Variants in PCDHGA1 observed in about 807,000 individuals in gnomAD.
PCDHGA1 encodes protocadherin gamma-A1.
PCDHGA1 carries 32 observed loss-of-function variants against 58.0 expected under a neutral mutation model. The ratio of observed to expected loss-of-function variants is 0.55; its 90% CI spans 0.42 to 0.74. The LOEUF is 0.74. Ranked by LOEUF, PCDHGA1 falls within the 30% of genes least tolerant of loss-of-function variation. The pLI is 0.00. For missense variants in PCDHGA1, 1,205 were observed against 1,182.3 expected (o/e 1.02, Z -0.28); for synonymous variants, 498 against 501.1 (o/e 0.99, Z 0.08).
chr5:141,405,328 C>T (rs4912606), intron 1 of PCDHGA1: 66,412 of 1,613,986 alleles, frequency 0.041, 1,736 homozygotes, highest in Non-Finnish European at 0.046. Flanking sequence ...AGCCTTTGTG[C>T]GTCTCTGTTG....
Position 141,330,889 on chromosome 5 carries a change from A to T in PCDHGA1, c.205A>T (p.Arg69Ter), listed in dbSNP as rs1482002302. 1 of 1,614,240 alleles carries T rather than the reference A, an allele frequency of 6.2e-7. No individual in the cohort carries two copies. Among genetic ancestry groups the T allele is most frequent in the Non-Finnish European group, 8.5e-7 (1 of 1,180,042 alleles). The stretch of plus-strand genomic sequence containing the variant: ...AGATGGCGGAGTCCGCATCGTCTCC[A>T]GAGGTAGGATGCCGCTTTTCGCTCT... ...LADGGVRIVS[R>*]GRMPLFALNP... is the part of the protein sequence containing the mutation. Residue 69 changes from arginine (R) to a stop codon, truncating the protein, a stop_gained, in exon 1 of 4, where the codon AGA (arginine) becomes TGA (stop). Coordinates refer to ENST00000517417, the MANE Select transcript of PCDHGA1 (RefSeq NM_018912.3). LOFTEE classifies it high-confidence loss of function.
intron 1 of PCDHGA1, chr5:141,421,725 C>T: frequency 6.2e-7 from 1 of 1,613,960 alleles, no homozygotes; most frequent in Non-Finnish European, 8.5e-7. Context: ...TGGGCGTGAA[C>T]TCCCTCCAGA....
intron 1 of PCDHGA1, among the ~76,000 whole-genome samples, chr5:141,450,826 A>T (rs965147554): frequency 1.9e-4 from 26 of 134,356 alleles, no homozygotes; most frequent in East Asian, 6.4e-4. Context: ...TATTATTATT[A>T]TTATTTTTTT....
chr5:141,389,742 C>T (rs1477462199), intron 1 of PCDHGA1: 2 of 1,612,602 alleles, frequency 1.2e-6, no homozygotes, highest in Non-Finnish European at 1.7e-6. Context: ...CCTGGGGCTG[C>T]GCACGGGCGA....
At chr5:141,360,296 T>C (rs1304247078) in intron 1 of PCDHGA1, 1 of 1,613,922 alleles carries the variant, frequency 6.2e-7, no homozygotes, top group African/African-American at 1.3e-5. Context: ...GCCAAGGATC[T>C]GGGGCTCAGC....
chr5:141,401,819 G>A (rs2094196222), intron 1 of PCDHGA1, among the ~76,000 whole-genome samples: 3 of 152,280 alleles, frequency 2.0e-5, no homozygotes, highest in Middle Eastern at 3.4e-3. Flanking sequence ...TCCTTACAAA[G>A]TGCTGAGATT....
At chr5:141,351,167 T>G (rs745490255) in intron 1 of PCDHGA1, 1 of 1,613,946 alleles carries the variant, frequency 6.2e-7, no homozygotes, top group Non-Finnish European at 8.5e-7. Flanking sequence ...CAATGGCACA[T>G]TGGATTTTGA....
intron 2 of PCDHGA1, among the ~76,000 whole-genome samples, chr5:141,501,290 TACACACACACACACACACACACAC>T (rs55762287): frequency 7.3e-6 from 1 of 136,162 alleles, no homozygotes; most frequent in African/African-American, 2.7e-5. Flanking sequence ...TATTCCCTTA[TACACACACACACACACACACACAC>T]ACACACACAC....
chr5:141,352,016 A>C lies in PCDHGA1; in HGVS notation c.2421+18911A>C, dbSNP rs1588492116. ...CGCAGAGCCCGGCTACCTGGTGACC[A>C]AGGTGGTGGCGGTGGACGCAGACTC... On this transcript the variant is annotated intron_variant, in intron 1 of 3. Coordinates refer to ENST00000517417, the MANE Select transcript of PCDHGA1 (RefSeq NM_018912.3). 1.9e-6 allele frequency: 3 copies of C among 1,609,870 alleles called. No individual in the cohort carries two copies. Among genetic ancestry groups the C allele is most frequent in the Non-Finnish European group, 2.5e-6 (3 of 1,179,152 alleles).
chr5:141,341,906 C>A (rs1010337766), intron 1 of PCDHGA1: 4 of 159,330 alleles, frequency 2.5e-5, no homozygotes, highest in Non-Finnish European at 5.5e-5. Flanking sequence ...AAATTGTTTT[C>A]CTTAACTTGC....
chr5:141,408,279 A>G (rs1313502495), intron 1 of PCDHGA1: 1 of 1,612,184 alleles, frequency 6.2e-7, no homozygotes, highest in Admixed American at 1.7e-5. Flanking sequence ...CCTTTGTTCT[A>G]CCCCACCCTG....
At chr5:141,370,488 C>A (rs758506114) in intron 1 of PCDHGA1, 2 of 1,613,906 alleles carry the variant, frequency 1.2e-6, no homozygotes, top group Admixed American at 3.3e-5. Flanking sequence ...TCTCTCCGAA[C>A]CGATCCGCTA....
rs760855582 is a variant in PCDHGA1, at chr5:141,362,235, A to AG, written c.2421+29131dup. 73 of 1,613,734 alleles carry AG rather than the reference A, an allele frequency of 4.5e-5. 1 individual carries two copies. The Middle Eastern group carries it at 5.9e-3, about 131-fold the overall frequency. Reference sequence around the variant, plus strand: ...TGGTTGTGGCCTTGGCCTTGATCTCAGTGCTCTTCTTCCTCGCGGTGATTC... The same window carrying AG: ...TGGTTGTGGCCTTGGCCTTGATCTCAGGTGCTCTTCTTCCTCGCGGTGATTC... On this transcript the variant is annotated intron_variant, in intron 1 of 3. Coordinates refer to ENST00000517417, the MANE Select transcript of PCDHGA1 (RefSeq NM_018912.3).
chr5:141,428,729 ATAT>A (rs2097158318), intron 1 of PCDHGA1: 2 of 159,768 alleles, frequency 1.3e-5, no homozygotes. Flanking sequence ...AATCTTAAAC[ATAT>A]TATATCTACT....
intron 1 of PCDHGA1, chr5:141,415,863 G>T (rs1321470910): frequency 2.7e-5 from 30 of 1,107,154 alleles, no homozygotes; most frequent in Non-Finnish European, 3.6e-5. Context: ...GTAGTTTATA[G>T]TGTTGTTGAG....
Position 141,392,858 on chromosome 5 carries a change from G to A in PCDHGA1, c.2421+59753G>A, listed in dbSNP as rs764346882. The A allele has an allele frequency of 1.9e-5, 31 of 1,612,486 alleles. No homozygotes were observed. The East Asian group carries it at 6.2e-4, about 32-fold the overall frequency. ...GCCCCAGACGCGGCGAGCTGATCCT[G>A]CTGTGCGCGCTGCTGGGAACGCTGT... On this transcript the variant is annotated intron_variant, in intron 1 of 3. Transcript: ENST00000517417.
chr5:141,439,487 G>A lies in PCDHGA1; in HGVS notation c.2422-55320G>A, dbSNP rs11952418. 8.3e-3 allele frequency among the ~76,000 whole-genome samples: 1,269 copies of A among 152,266 alleles called. 16 individuals are homozygous for A. Among genetic ancestry groups the A allele is most frequent in the African/African-American group, 0.029 (1,205 of 41,540 alleles). Reference sequence around the variant, plus strand: ...GCTGCCTTTCAGCTTGCAAATTCCAGTGAGAAACGTCTTTCTCTCTGCTCT... The same window carrying A: ...GCTGCCTTTCAGCTTGCAAATTCCAATGAGAAACGTCTTTCTCTCTGCTCT... On this transcript the variant is annotated intron_variant, in intron 1 of 3. Coordinates refer to ENST00000517417, the MANE Select transcript of PCDHGA1 (RefSeq NM_018912.3).
intron 1 of PCDHGA1, chr5:141,389,425 C>G (rs1464186383): frequency 6.2e-7 from 1 of 1,613,500 alleles, no homozygotes. Context: ...GTGGTGTTCG[C>G]GCAGCGCGCC....
chr5:141,458,514 T>G (rs1338106276), intron 1 of PCDHGA1, among the ~76,000 whole-genome samples: 1 of 129,036 alleles, frequency 7.7e-6, no homozygotes, highest in African/African-American at 3.6e-5. Context: ...TGACACTTTG[T>G]TTTTTTTTTT....
Sources: gnomAD v4.1 joint callset for allele counts (sites outside exome capture counted in the v4.1 genomes callset) on GRCh38, gnomAD v4.1.1 for gene constraint, MANE v1.5 for transcripts, NCBI Gene and HGNC (gene_info 2026-07-23, HGNC 2026-07-21) for gene names.